SAMMSON: variants seen among roughly 807,000 people sequenced by gnomAD.
SAMMSON encodes long intergenic non-protein coding RNA 1212.
At chr3:70,228,011 A>G (rs1316670279) in intron 4 of SAMMSON, among the ~76,000 whole-genome samples, 1 of 151,336 alleles carries the variant, frequency 6.6e-6, no homozygotes, top group Non-Finnish European at 1.5e-5. Context: ...ATAGTAGTAT[A>G]ATAGTAATAT....
chr3:70,099,567 T>C lies in SAMMSON; in HGVS notation n.507+28002T>C, dbSNP rs1479369641. ...ACTGGATGGTCTTTTTATTGATTTA[T>C]AATTGTTCTTTATATATTCTGGATA... On this transcript the variant is annotated intron_variant and non_coding_transcript_variant, in intron 4 of 9. Coordinates refer to ENST00000642114, the Ensembl canonical transcript of SAMMSON. Among the ~76,000 whole-genome samples the C allele has an allele frequency of 2.0e-5, 3 of 152,248 alleles. No homozygotes were observed. The East Asian group carries it at 5.8e-4, about 29-fold the overall frequency.
intron 4 of SAMMSON, chr3:70,206,786 C>T (rs932229433): frequency 5.0e-6 from 2 of 397,198 alleles, no homozygotes; most frequent in Non-Finnish European, 8.9e-6. Context: ...TCGTGAGTTG[C>T]GTATCTAGAG....
At chr3:70,108,488 T>C (rs375500962) in intron 4 of SAMMSON, among the ~76,000 whole-genome samples, 2 of 147,380 alleles carry the variant, frequency 1.4e-5, no homozygotes, top group Non-Finnish European at 3.0e-5. Context: ...TTTCCCTAAT[T>C]GCTACTTCTC....
At chr3:70,199,341 C>T (rs1701212164) in intron 4 of SAMMSON, among the ~76,000 whole-genome samples, 2 of 151,986 alleles carry the variant, frequency 1.3e-5, no homozygotes, top group Admixed American at 6.5e-5. Flanking sequence ...CTCTGGAGGT[C>T]TCCTCTTCTA....
chr3:70,213,631 T>C (rs1389420391), intron 4 of SAMMSON, among the ~76,000 whole-genome samples: 1 of 152,134 alleles, frequency 6.6e-6, no homozygotes, highest in African/African-American at 2.4e-5. Context: ...GAAGTGACAC[T>C]GTATAGAGAA....
intron 4 of SAMMSON, among the ~76,000 whole-genome samples, chr3:70,175,772 C>T (rs550933641): frequency 7.2e-5 from 11 of 152,130 alleles, no homozygotes; most frequent in Admixed American, 6.5e-4. Context: ...ATTCTCAGGA[C>T]TATTGCATTA....
intron 7 of SAMMSON, among the ~76,000 whole-genome samples, chr3:70,334,627 T>C (rs1352906037): frequency 6.6e-6 from 1 of 152,106 alleles, no homozygotes; most frequent in Non-Finnish European, 1.5e-5. Context: ...TGTCTGGCAC[T>C]GTGCTAGGCT....
intron 7 of SAMMSON, among the ~76,000 whole-genome samples, chr3:70,314,088 C>T (rs1168263517): frequency 6.6e-6 from 1 of 152,090 alleles, no homozygotes; most frequent in Non-Finnish European, 1.5e-5. Flanking sequence ...CTTCTCTGAT[C>T]TTACTTGGGA....
At chr3:70,065,800 C>T (rs935853303) in intron 3 of SAMMSON, among the ~76,000 whole-genome samples, 6 of 152,218 alleles carry the variant, frequency 3.9e-5, no homozygotes, top group African/African-American at 7.2e-5. Flanking sequence ...ATGTTAATAG[C>T]GCCAAGGTGC....
intron 7 of SAMMSON, among the ~76,000 whole-genome samples, chr3:70,334,932 G>T (rs1298538349): frequency 6.6e-6 from 1 of 151,824 alleles, no homozygotes; most frequent in African/African-American, 2.4e-5. Flanking sequence ...CCTTCCTTGT[G>T]ACTTTTTTAT....
Position 70,059,690 on chromosome 3 carries a change from A to G in SAMMSON, n.418-11786A>G, listed in dbSNP as rs566869129. On this transcript the variant is annotated intron_variant and non_coding_transcript_variant, in intron 3 of 9. Coordinates refer to ENST00000642114, the Ensembl canonical transcript of SAMMSON. ...TCAAATGCTAATCTCATCTGGAAACACACTCACAGACACACCAGAAATAAT... is the reference window on the plus strand; with the variant it reads ...TCAAATGCTAATCTCATCTGGAAACGCACTCACAGACACACCAGAAATAAT... Among the ~76,000 whole-genome samples the G allele has an allele frequency of 5.9e-5, 9 of 152,214 alleles. No homozygotes were observed. In the South Asian group the frequency reaches 1.9e-3, roughly 32 times the overall value.
At chr3:70,384,209 A>G (rs764793931) in intron 9 of SAMMSON, among the ~76,000 whole-genome samples, 4 of 152,116 alleles carry the variant, frequency 2.6e-5, no homozygotes, top group Admixed American at 2.6e-4. Flanking sequence ...GTTAAAAAAT[A>G]TAAATTGGAG....
chr3:70,091,893 A>G (rs1268294929), intron 4 of SAMMSON, among the ~76,000 whole-genome samples: 1 of 152,190 alleles, frequency 6.6e-6, no homozygotes, highest in Non-Finnish European at 1.5e-5. Flanking sequence ...TATTCAGTTG[A>G]ACTCCATGTG....
chr3:70,219,448 T>C (rs556501735), intron 4 of SAMMSON, among the ~76,000 whole-genome samples: 3 of 152,300 alleles, frequency 2.0e-5, no homozygotes, highest in Middle Eastern at 3.4e-3. Flanking sequence ...TAGTTCTTTG[T>C]CACCTTAACT....
intron 1 of SAMMSON, among the ~76,000 whole-genome samples, chr3:70,004,147 C>T (rs2066916787): frequency 6.6e-6 from 1 of 152,108 alleles, no homozygotes; most frequent in Non-Finnish European, 1.5e-5. Context: ...TGCACACACA[C>T]AGACACAAGA....
intron 2 of SAMMSON, among the ~76,000 whole-genome samples, chr3:70,416,704 C>A (rs533331585): frequency 2.0e-5 from 3 of 152,230 alleles, no homozygotes; most frequent in African/African-American, 4.8e-5. Flanking sequence ...CTCTTCACCC[C>A]ACCCTCATCT....
rs141579929 is a variant in SAMMSON, at chr3:70,154,919, G to T, written n.507+83354G>T. On this transcript the variant is annotated intron_variant and non_coding_transcript_variant, in intron 4 of 9. Coordinates refer to ENST00000642114, the Ensembl canonical transcript of SAMMSON. ...TGCATTGGGGAGGCAATATCTAAAG[G>T]GTAGGGGTTCATGACATGAAACAGA... Among the ~76,000 whole-genome samples, 430 of 151,982 alleles carry T rather than the reference G, an allele frequency of 2.8e-3. 1 individual carries two copies. Among genetic ancestry groups the T allele is most frequent in the Non-Finnish European group, 4.7e-3 (321 of 67,934 alleles).
chr3:70,100,563 GA>G (rs1436340465), intron 4 of SAMMSON, among the ~76,000 whole-genome samples: 1 of 148,554 alleles, frequency 6.7e-6, no homozygotes, highest in East Asian at 2.0e-4. Flanking sequence ...CTGAAGTCTA[GA>G]AAAAAACTCA....
chr3:70,265,198 A>C (rs1200062386), intron 6 of SAMMSON, among the ~76,000 whole-genome samples: 1 of 152,188 alleles, frequency 6.6e-6, no homozygotes, highest in African/African-American at 2.4e-5. Context: ...GGGAGAATGT[A>C]AAGTAGGCTA....
Sources: allele counts gnomAD v4.1 joint callset (sites outside exome capture counted in the v4.1 genomes callset), GRCh38; gene constraint gnomAD v4.1.1; transcripts MANE v1.5; gene names NCBI Gene and HGNC (gene_info 2026-07-23, HGNC 2026-07-21).